ADAMTSL2: variants seen among roughly 807,000 people sequenced by gnomAD.
ADAMTSL2 encodes the protein ADAMTS-like protein 2.
Under a neutral mutation model 117.0 loss-of-function variants are expected in ADAMTSL2, and 55 were observed. That is an observed-to-expected ratio of 0.47 (90% CI 0.38 to 0.59). The LOEUF (loss-of-function observed/expected upper bound fraction) is 0.59, where lower values mean the gene tolerates loss of function less well. ADAMTSL2 is among the 20% of genes least tolerant of loss of function. The pLI, the probability that ADAMTSL2 is intolerant of heterozygous loss-of-function variation, is 0.00. For missense variants in ADAMTSL2, 1,182 were observed against 1,354.5 expected (o/e 0.87, Z 2.00); for synonymous variants, 572 against 566.4 (o/e 1.01, Z -0.14).
chr9:133,574,061 G>A, intron 18 of ADAMTSL2, 74 bp downstream of exon 18: 1 of 1,536,922 alleles, frequency 6.5e-7, no homozygotes, highest in African/African-American at 1.4e-5. Context: ...GGCCTGAGGG[G>A]TGAGCAGACA....
chr9:133,532,663 A>T (rs1829966769), upstream of ADAMTSL2: 1 of 152,114 alleles, frequency 6.6e-6, no homozygotes, highest in South Asian at 2.1e-4. Flanking sequence ...TGGGGGACTC[A>T]CCTCAACAGC....
At chr9:133,541,111 C>T (rs1830213056) in intron 7 of ADAMTSL2, 110 bp downstream of exon 7, 28 of 1,473,722 alleles carry the variant, frequency 1.9e-5, no homozygotes, top group Non-Finnish European at 2.6e-5. Context: ...AGTTCTTCCC[C>T]TCTAGGGGCA....
In ADAMTSL2 at chr9:133,575,200, A is replaced by G. The variant is rs956542884; in HGVS notation, c.*336A>G. 8.0e-6 allele frequency: 3 copies of G among 375,268 alleles called. No homozygotes were observed. The highest frequency in any genetic ancestry group is 1.0e-5 in the Non-Finnish European group (2 of 199,310). The allele number at this position is 375,268 out of a possible 1,614,324, so 23.2% of individuals were successfully genotyped here. ...GCCCAGGGCCCACAGCCAGCGGTGG[A>G]GGTGTCTTGCTCCGGGCCCGTAGCC... is the stretch of plus-strand genomic sequence containing the variant. On this transcript the variant is annotated 3_prime_UTR_variant, in exon 19 of 19. Coordinates refer to ENST00000651351, the MANE Select transcript of ADAMTSL2 (RefSeq NM_014694.4).
chr9:133,551,091 C>T (rs1830471302), intron 9 of ADAMTSL2, among the ~76,000 whole-genome samples: 1 of 152,224 alleles, frequency 6.6e-6, no homozygotes, highest in Non-Finnish European at 1.5e-5. Context: ...TCGGGCTGCC[C>T]TGCCTCCCAT....
At position 133,558,834 on chromosome 9, in the gene ADAMTSL2, C is replaced by T. The variant is rs1183121158; in HGVS notation, c.1650-2364C>T. On this transcript the variant is annotated intron_variant, in intron 11 of 18. Coordinates refer to ENST00000651351, the MANE Select transcript of ADAMTSL2 (RefSeq NM_014694.4). This position sits in a 1 kb window ranked among gnomAD's most constrained non-coding sequence, Gnocchi z 4.3. The stretch of plus-strand genomic sequence containing the variant: ...CCCTGTGCTACTTCCAAGAACGGAA[C>T]CTGCTAGGCGTTGCATTGTTGTGCA... Among the ~76,000 whole-genome samples the T allele has an allele frequency of 6.6e-6, 1 of 152,228 alleles. No individual in the cohort carries two copies. The highest frequency in any genetic ancestry group is 1.5e-5 in the Non-Finnish European group (1 of 68,034).
At chr9:133,565,397 C>T (rs1830943036) in intron 12 of ADAMTSL2, among the ~76,000 whole-genome samples, 1 of 152,132 alleles carries the variant, frequency 6.6e-6, no homozygotes, top group Admixed American at 6.5e-5. Context: ...GTTTCCACTC[C>T]GTGACGAGGA....
chr9:133,539,108 C>T (rs1300088288), intron 4 of ADAMTSL2, among the ~76,000 whole-genome samples: 1 of 152,094 alleles, frequency 6.6e-6, no homozygotes, highest in Non-Finnish European at 1.5e-5. Context: ...TGCGCACGTG[C>T]AGGGAGTGAG....
chr9:133,544,551 G>A lies in ADAMTSL2; in HGVS notation c.763+1G>A. 6.2e-7 allele frequency: 1 copy of A among 1,613,832 alleles called. No individual in the cohort carries two copies. The highest frequency in any genetic ancestry group is 8.5e-7 in the Non-Finnish European group (1 of 1,179,700). On this transcript the variant is annotated splice_donor_variant, in intron 8 of 18. Transcript: ENST00000651351. LOFTEE classifies it high-confidence loss of function. ...AGGAAGAAGTCCGCTGACGTGCTAG[G>A]TGGGTACGCAGTGTCTGGCAGCTGC...
chr9:133,535,604 T>C (rs1190694863), intron 1 of ADAMTSL2, among the ~76,000 whole-genome samples: 3 of 152,146 alleles, frequency 2.0e-5, no homozygotes, highest in African/African-American at 7.2e-5. Flanking sequence ...CTCCATGCCT[T>C]CTTCCCCTGG....
Position 133,569,400 on chromosome 9 carries a change from C to T in ADAMTSL2, c.2245-8C>T. The T allele has an allele frequency of 1.2e-6, 2 of 1,613,182 alleles. No homozygotes were observed. Among genetic ancestry groups the T allele is most frequent in the South Asian group, 1.1e-5 (1 of 90,914 alleles). ...CTGGATGTCCCCTGCCTGTCCTCTCCCCTGCAGTGCAGTGGAAGCTGCGGG... is the reference window on the plus strand; with the variant it reads ...CTGGATGTCCCCTGCCTGTCCTCTCTCCTGCAGTGCAGTGGAAGCTGCGGG... On this transcript the variant is annotated splice_region_variant and splice_polypyrimidine_tract_variant and intron_variant, in intron 15 of 18. Coordinates refer to ENST00000651351, the MANE Select transcript of ADAMTSL2 (RefSeq NM_014694.4).
intron 11 of ADAMTSL2, 43 bp from the exon 12 acceptor site, chr9:133,561,155 C>T (rs1830718425): frequency 1.3e-6 from 2 of 1,523,070 alleles, no homozygotes; most frequent in African/African-American, 1.4e-5. Context: ...GCCGGTGGGG[C>T]CTGGAGCGTC....
At chr9:133,541,292 CTT>C (rs113918663) in intron 7 of ADAMTSL2, among the ~76,000 whole-genome samples, 12 of 143,724 alleles carry the variant, frequency 8.3e-5, no homozygotes, top group Admixed American at 1.4e-4. Context: ...AACAATGCAC[CTT>C]TTTTTTTTTT....
chr9:133,568,375 C>A lies in ADAMTSL2; in HGVS notation c.1977C>A (p.Ser659Arg). 1 of 1,604,636 alleles carries A rather than the reference C, an allele frequency of 6.2e-7. No individual in the cohort carries two copies. The highest frequency in any genetic ancestry group is 8.5e-7 in the Non-Finnish European group (1 of 1,176,384). Reference protein sequence around the residue: ...CWKMLSPGFDSSVYSDLCEAA... With the variant: ...CWKMLSPGFDRSVYSDLCEAA... Reference sequence around the variant, plus strand: ...AGATGCTCTCGCCCGGCTTCGACAGCTCCGTGTACAGCGACCTGTGCGAGG... The same window carrying A: ...AGATGCTCTCGCCCGGCTTCGACAGATCCGTGTACAGCGACCTGTGCGAGG... Residue 659 changes from serine to arginine, a missense_variant, in exon 14 of 19, where the codon AGC becomes AGA. This residue lies in a region of ADAMTSL2 where 465 missense variants were observed against 565.3 expected (regional missense o/e 0.82). Coordinates refer to ENST00000651351, the MANE Select transcript of ADAMTSL2 (RefSeq NM_014694.4).
chr9:133,543,867 C>A (rs113719992), intron 7 of ADAMTSL2, among the ~76,000 whole-genome samples: 11 of 152,346 alleles, frequency 7.2e-5, no homozygotes, highest in African/African-American at 2.6e-4. Flanking sequence ...GCTGGGAGGA[C>A]TGCATGGCTG....
At chr9:133,563,516 G>A (rs911766127) in intron 12 of ADAMTSL2, among the ~76,000 whole-genome samples, 1 of 152,174 alleles carries the variant, frequency 6.6e-6, no homozygotes. Context: ...GGCTGGAGAG[G>A]GGACGTCGCT....
intron 5 of ADAMTSL2, 102 bp from the exon 6 acceptor site, chr9:133,540,496 T>C (rs1830190777): frequency 1.3e-6 from 2 of 1,488,944 alleles, no homozygotes; most frequent in South Asian, 1.2e-5. Flanking sequence ...AGTTGCCCCA[T>C]CTATGCAATG....
rs1387526660 is a variant in ADAMTSL2, at chr9:133,574,852, C to T, written c.2844C>T (p.Pro948=). The T allele has an allele frequency of 9.4e-6, 15 of 1,593,494 alleles. No homozygotes were observed. The African/African-American group carries it at 1.1e-4, about 11-fold the overall frequency. Residue 948 remains proline, a synonymous_variant, in exon 19 of 19, where the codon CCC becomes CCT. Transcript: ENST00000651351. ...AGGCGTGCTGCCGCTCCTGCAGGCC[C>T]CCCCACTCCTAGGCCCGGCAGCTGC... ...YSKACCRSCR[P]PHS
rs1242952213 is a variant in ADAMTSL2 at position 133,554,546 on chromosome 9, G to C, written c.1129G>C (p.Glu377Gln). Residue 377 changes from glutamate to glutamine, a missense_variant, in exon 10 of 19, where the codon GAG becomes CAG. Physicochemically the swap from Glu to Gln is conservative, Grantham distance 29. This residue lies in a region of ADAMTSL2 where 345 missense variants were observed against 325.8 expected (regional missense o/e 1.06). Coordinates refer to ENST00000651351, the MANE Select transcript of ADAMTSL2 (RefSeq NM_014694.4). This position sits in a 1 kb window ranked among gnomAD's most constrained non-coding sequence, Gnocchi z 5.2. Reference protein sequence around the residue: ...NGSLYGQASSERLGLDNRLFG... With the variant: ...NGSLYGQASSQRLGLDNRLFG... Reference sequence around the variant, plus strand: ...CTCCCTCTACGGCCAGGCCTCCTCAGAGCGGCTGGGCCTGGACAACCGGCT... The same window carrying C: ...CTCCCTCTACGGCCAGGCCTCCTCACAGCGGCTGGGCCTGGACAACCGGCT... 6.5e-7 allele frequency: 1 copy of C among 1,548,852 alleles called. No homozygotes were observed. The highest frequency in any genetic ancestry group is 1.2e-5 in the South Asian group (1 of 84,082).
chr9:133,538,439 G>T lies in ADAMTSL2; in HGVS notation c.309+15G>T, dbSNP rs573787510. 1 of 1,612,622 alleles carries T rather than the reference G, an allele frequency of 6.2e-7. No individual in the cohort carries two copies. The highest frequency in any genetic ancestry group is 1.7e-5 in the Admixed American group (1 of 60,012). On this transcript the variant is annotated intron_variant, in intron 4 of 18. Coordinates refer to ENST00000651351, the MANE Select transcript of ADAMTSL2 (RefSeq NM_014694.4). Reference sequence around the variant, plus strand: ...GCAGAGTGCAGGTGAGGCCCGGCCCGGGCAGGGGCACCATGGCCTGCTCTC... The same window carrying T: ...GCAGAGTGCAGGTGAGGCCCGGCCCTGGCAGGGGCACCATGGCCTGCTCTC...
Sources: gnomAD v4.1 joint callset for allele counts (sites outside exome capture counted in the v4.1 genomes callset) on GRCh38, gnomAD v4.1.1 for gene constraint, gnomAD v4.1.1 regional missense constraint, Gnocchi (gnomAD v3.1) non-coding constraint, MANE v1.5 for transcripts, NCBI Gene and HGNC (gene_info 2026-07-23, HGNC 2026-07-21) for gene names.